The following DTHD1 variants were observed in gnomAD, a reference collection of about 807,000 sequenced individuals.
DTHD1 encodes the protein death domain-containing protein 1.
DTHD1 carries 59 observed loss-of-function variants against 74.8 expected under a neutral mutation model. That is an observed-to-expected ratio of 0.79 (90% CI 0.64 to 0.98). DTHD1 has a LOEUF of 0.98. DTHD1 is among the 50% of genes least tolerant of loss of function. The pLI, the probability that DTHD1 is intolerant of heterozygous loss-of-function variation, is 0.00. For synonymous variants in DTHD1, 365 were observed against 371.1 expected (o/e 0.98, Z 0.19); for missense variants, 1,051 against 1,065.4 (o/e 0.99, Z 0.19).
At chr4:36,294,770 A>T in intron 4 of DTHD1, 25 bp from the exon 5 acceptor site, 1 of 1,492,936 alleles carries the variant, frequency 6.7e-7, no homozygotes, top group African/African-American at 1.4e-5. Flanking sequence ...ATTAAAACAT[A>T]AGAAAAAATA....
rs549143205 is a variant in DTHD1 at position 36,305,387 on chromosome 4, G to A, written c.1644-804G>A. On this transcript the variant is annotated intron_variant, in intron 5 of 9. Coordinates refer to ENST00000639862, the MANE Select transcript of DTHD1 (RefSeq NM_001170700.3). The stretch of plus-strand genomic sequence containing the variant: ...ATGTCTTACATGGCAGAAGGCAAGA[G>A]AGAATGAGAGCCAAGCAAAAGGAGA... Among the ~76,000 whole-genome samples the A allele has an allele frequency of 1.4e-3, 215 of 152,124 alleles. 1 individual carries two copies. Among genetic ancestry groups the A allele is most frequent in the Non-Finnish European group, 2.5e-3 (169 of 68,014 alleles).
At position 36,343,766 on chromosome 4, in the gene DTHD1, A is replaced by G; in HGVS notation, c.2663A>G (p.Lys888Arg). 1 of 1,551,462 alleles carries G rather than the reference A, an allele frequency of 6.4e-7. No individual in the cohort carries two copies. The highest frequency in any genetic ancestry group is 8.7e-7 in the Non-Finnish European group (1 of 1,146,878). The part of the protein sequence containing the change: ...RSDLAEELKF[K>R]WENKVFTEPQ... ...GATCTTGCAGAAGAGCTCAAATTCA[A>G]GTGGGAAAATAAAGTGTTCACTGAA... Residue 888 changes from lysine (K) to arginine (R), a missense_variant, in exon 10 of 10, where the codon AAG becomes AGG. By Grantham distance (26) the Lys-to-Arg change is conservative (BLOSUM62 2). Coordinates refer to ENST00000639862, the MANE Select transcript of DTHD1 (RefSeq NM_001170700.3).
intron 5 of DTHD1, among the ~76,000 whole-genome samples, chr4:36,305,604 A>G (rs1230212374): frequency 6.6e-6 from 1 of 152,174 alleles, no homozygotes; most frequent in Admixed American, 6.5e-5. Context: ...TATCGGTACC[A>G]TTATTATTTT....
chr4:36,308,127 C>T lies in DTHD1; in HGVS notation c.1806-77C>T, dbSNP rs565742539. 618 of 1,336,740 alleles carry T rather than the reference C, an allele frequency of 4.6e-4. 1 individual carries two copies. In the African/African-American group the frequency reaches 7.9e-3, roughly 17 times the overall value. 82.8% of individuals were successfully genotyped at this position (1,336,740 alleles called of 1,614,324 possible). A position where few individuals can be genotyped will look rare whatever the true frequency, so the allele number is the denominator to read the frequency against. On this transcript the variant is annotated intron_variant, in intron 6 of 9. Coordinates refer to ENST00000639862, the MANE Select transcript of DTHD1 (RefSeq NM_001170700.3). Reference sequence around the variant, plus strand: ...GACGTCTGTTTGATATGACTCTTTTCTTGGGTGTTATTAGATATCAGTGAT... The same window carrying T: ...GACGTCTGTTTGATATGACTCTTTTTTTGGGTGTTATTAGATATCAGTGAT...
At chr4:36,316,068 TG>T (rs1478051644) in intron 7 of DTHD1, among the ~76,000 whole-genome samples, 173 bp from the exon 8 acceptor site, 1 of 152,170 alleles carries the variant, frequency 6.6e-6, no homozygotes, top group Non-Finnish European at 1.5e-5. Context: ...CCCGAGTAGC[TG>T]GGAGTACAGG....
At chr4:36,334,746 G>A (rs1758910425) in intron 8 of DTHD1, among the ~76,000 whole-genome samples, 1 of 152,188 alleles carries the variant, frequency 6.6e-6, no homozygotes, top group African/African-American at 2.4e-5. Flanking sequence ...TTTTCAAAAA[G>A]CAGCGGAGAT....
intron 5 of DTHD1, among the ~76,000 whole-genome samples, chr4:36,304,751 T>C (rs1418842272): frequency 1.3e-5 from 2 of 152,248 alleles, no homozygotes; most frequent in Non-Finnish European, 2.9e-5. Flanking sequence ...AAAGAGTTTA[T>C]TGTGAGGCTA....
At chr4:36,335,798 CAT>C (rs891191510) in intron 8 of DTHD1, among the ~76,000 whole-genome samples, 20 of 152,302 alleles carry the variant, frequency 1.3e-4, no homozygotes, top group East Asian at 5.8e-4. Context: ...AACTTTCACA[CAT>C]ATGAGTTCAA....
chr4:36,314,019 A>T (rs548992338), intron 7 of DTHD1, among the ~76,000 whole-genome samples: 3 of 151,270 alleles, frequency 2.0e-5, no homozygotes, highest in Non-Finnish European at 2.9e-5. Flanking sequence ...CCAAAGTGAG[A>T]CACTCTTAAG....
chr4:36,310,942 C>G (rs1295305892), intron 7 of DTHD1, among the ~76,000 whole-genome samples: 1 of 152,118 alleles, frequency 6.6e-6, no homozygotes, highest in Non-Finnish European at 1.5e-5. Context: ...ACAGCGTCCA[C>G]CCTGGAGAAA....
At chr4:36,282,976 A>G (rs903711866) in intron 1 of DTHD1, among the ~76,000 whole-genome samples, 2 of 152,230 alleles carry the variant, frequency 1.3e-5, no homozygotes, top group African/African-American at 4.8e-5. Context: ...GTTAAAAATA[A>G]AGACAAGTTC....
At chr4:36,330,676 C>G (rs987574162) in intron 8 of DTHD1, among the ~76,000 whole-genome samples, 2 of 152,118 alleles carry the variant, frequency 1.3e-5, no homozygotes, top group Non-Finnish European at 2.9e-5. Flanking sequence ...AGCCATATTA[C>G]CTTGGAGAAG....
At position 36,281,872 on chromosome 4, in the gene DTHD1, T is replaced by C; in HGVS notation, c.114T>C (p.Ala38=). Residue 38 remains alanine (A), a synonymous_variant, in exon 1 of 10, where the codon GCT becomes GCC. Transcript: ENST00000639862. The stretch of plus-strand genomic sequence containing the variant: ...TGGGTGATGACCTTTGTGAGGGGGC[T>C]GGTGGGGCCACTTGGATGGCCACTG... ...ALLGDDLCEG[A]GGATWMATVV... 2 of 1,271,726 alleles carry C rather than the reference T, an allele frequency of 1.6e-6. No homozygotes were observed. Among genetic ancestry groups the C allele is most frequent in the Non-Finnish European group, 2.0e-6 (2 of 1,005,952 alleles). 78.8% of individuals were successfully genotyped at this position (1,271,726 alleles called of 1,614,324 possible).
rs1449263131 is a variant in DTHD1 at position 36,290,674 on chromosome 4, T to G, written c.1189T>G (p.Ser397Ala). 2 of 1,543,226 alleles carry G rather than the reference T, an allele frequency of 1.3e-6. No individual in the cohort carries two copies. Among genetic ancestry groups the G allele is most frequent in the East Asian group, 4.9e-5 (2 of 40,892 alleles). ...NLQSSYLNPN[S>A]LEGMKGGYKG... ...TCAATCAAGTTACCTAAACCCAAATTCACTAGAAGGAATGAAGGGAGGTTA... is the reference window on the plus strand; with the variant it reads ...TCAATCAAGTTACCTAAACCCAAATGCACTAGAAGGAATGAAGGGAGGTTA... The change falls in exon 3 of 10, where the codon TCA becomes GCA. Residue 397 changes from serine to alanine, a missense_variant. Coordinates refer to ENST00000639862, the MANE Select transcript of DTHD1 (RefSeq NM_001170700.3).
At chr4:36,342,161 G>A (rs1249903627) in intron 9 of DTHD1, among the ~76,000 whole-genome samples, 1 of 152,120 alleles carries the variant, frequency 6.6e-6, no homozygotes, top group Non-Finnish European at 1.5e-5. Flanking sequence ...GACGTGGATG[G>A]GACGAGAAAA....
intron 2 of DTHD1, among the ~76,000 whole-genome samples, chr4:36,287,479 T>G (rs1303090540): frequency 6.6e-6 from 1 of 152,256 alleles, no homozygotes; most frequent in African/African-American, 2.4e-5. Flanking sequence ...CATAATGACT[T>G]CTTTTCCTCT....
chr4:36,317,384 C>T (rs1757795119), intron 8 of DTHD1, among the ~76,000 whole-genome samples: 1 of 152,134 alleles, frequency 6.6e-6, no homozygotes, highest in African/African-American at 2.4e-5. Context: ...GGCTGTGGAG[C>T]ACTTGAAATA....
At chr4:36,333,321 C>A in intron 8 of DTHD1, among the ~76,000 whole-genome samples, 1 of 151,894 alleles carries the variant, frequency 6.6e-6, no homozygotes, top group African/African-American at 2.4e-5. Flanking sequence ...CGAAGTTCCA[C>A]TCCTTAGATG....
chr4:36,300,259 C>A (rs1188621546), intron 5 of DTHD1, among the ~76,000 whole-genome samples: 1 of 152,194 alleles, frequency 6.6e-6, no homozygotes, highest in Admixed American at 6.5e-5. Flanking sequence ...GTTCCTACCT[C>A]TGCTGAGAAC....
Sources: gnomAD v4.1 joint callset for allele counts (sites outside exome capture counted in the v4.1 genomes callset) on GRCh38, gnomAD v4.1.1 for gene constraint, MANE v1.5 for transcripts, NCBI Gene and HGNC (gene_info 2026-07-23, HGNC 2026-07-21) for gene names.